THAP9: variants seen among roughly 807,000 people sequenced by gnomAD.
THAP9 encodes the protein THAP domain containing 9.
In THAP9, 20 loss-of-function variants were observed where a neutral mutation model predicts 35.7. The observed-to-expected ratio is 0.56, with a 90% CI of 0.39 to 0.81. The LOEUF is 0.81. Among genes scored for constraint, THAP9 ranks in the 40% least tolerant of loss-of-function variants. THAP9 has a pLI of 0.00. For synonymous variants in THAP9, 335 were observed against 373.7 expected (o/e 0.90, Z 1.19); for missense variants, 870 against 1,047.4 (o/e 0.83, Z 2.34).
At position 82,900,779 on chromosome 4, in the gene THAP9, G is replaced by A; in HGVS notation, c.-24G>A. ...TTCATGCTGTCGCGGGAACCCCGAA[G>A]GTGGGGCCCCACGTAACAAGAAGAT... On this transcript the variant is annotated 5_prime_UTR_variant, in exon 1 of 5. Transcript: ENST00000302236. 6.2e-7 allele frequency: 1 copy of A among 1,613,512 alleles called. No homozygotes were observed. The highest frequency in any genetic ancestry group is 1.1e-5 in the South Asian group (1 of 91,072).
chr4:82,900,766 C>G lies in THAP9; in HGVS notation c.-37C>G, dbSNP rs200678921. 6.2e-7 allele frequency: 1 copy of G among 1,610,504 alleles called. No individual in the cohort carries two copies. The highest frequency in any genetic ancestry group is 2.2e-5 in the East Asian group (1 of 44,856). ...AAAGTGGTCGTGATTCATGCTGTCG[C>G]GGGAACCCCGAAGGTGGGGCCCCAC... is the stretch of plus-strand genomic sequence containing the variant. On this transcript the variant is annotated 5_prime_UTR_variant, in exon 1 of 5. Coordinates refer to ENST00000302236, the MANE Select transcript of THAP9 (RefSeq NM_024672.6).
intron 4 of THAP9, among the ~76,000 whole-genome samples, chr4:82,908,654 A>G (rs1197673287): frequency 2.6e-5 from 4 of 152,218 alleles, no homozygotes; most frequent in Non-Finnish European, 5.9e-5. Context: ...GCACAGCGGC[A>G]CAATCTCGGC....
chr4:82,905,067 T>A (rs1351116653), intron 2 of THAP9, 136 bp downstream of exon 2: 1 of 703,840 alleles, frequency 1.4e-6, no homozygotes, highest in Non-Finnish European at 2.2e-6. Flanking sequence ...TTAAATGCTT[T>A]GAAAATTTAA....
At chr4:82,900,964 C>G in intron 1 of THAP9, 82 bp downstream of exon 1, 1 of 1,524,248 alleles carries the variant, frequency 6.6e-7, no homozygotes, top group Non-Finnish European at 9.0e-7. Flanking sequence ...CGGGGCCGGG[C>G]CGCACTGTGG....
chr4:82,918,188 T>C lies in THAP9; in HGVS notation c.1976T>C (p.Phe659Ser), dbSNP rs1721107810. 6.2e-7 allele frequency: 1 copy of C among 1,614,200 alleles called. No homozygotes were observed. The highest frequency in any genetic ancestry group is 1.3e-5 in the African/African-American group (1 of 75,074). ...GTTTTTCTAAGCAAAGTAAGCATCT[T>C]TGACATTTCAATTGCTCGAAGGAAA... ...DEVFLSKVSI[F>S]DISIARRKDL... The change falls in exon 5 of 5, where the codon TTT (phenylalanine) becomes TCT (serine). Residue 659 changes from phenylalanine (F) to serine (S), a missense_variant. This residue lies in a region of THAP9 where 414 missense variants were observed against 500.8 expected (regional missense o/e 0.83). Transcript: ENST00000302236.
chr4:82,918,516 G>A lies in THAP9; in HGVS notation c.2304G>A (p.Leu768=). Residue 768 remains leucine (L), a synonymous_variant, in exon 5 of 5, where the codon CTG becomes CTA. Transcript: ENST00000302236. ...KNGLHFPSES[L]CRVINICERV... is the part of the protein sequence containing the mutation. ...GTTTGCATTTTCCTTCAGAAAGTCT[G>A]TGTCGGGTCATAAATATTTGTGAGC... 1.9e-6 allele frequency: 3 copies of A among 1,614,170 alleles called. No homozygotes were observed. Among genetic ancestry groups the A allele is most frequent in the Non-Finnish European group, 2.5e-6 (3 of 1,179,992 alleles).
Position 82,906,567 on chromosome 4 carries a change from C to G in THAP9, c.520C>G (p.Leu174Val), listed in dbSNP as rs1029176862. ...KRKGLRLIDALVEEKLLSEET... is the reference protein window; with the variant it reads ...KRKGLRLIDAVVEEKLLSEET... ...AAAGGGTTTACGATTAATTGATGCA[C>G]TTGTAGAAGAGAAACTACTTTCTGA... Residue 174 changes from leucine to valine, a missense_variant, in exon 3 of 5, where the codon CTT (leucine) becomes GTT (valine). Leu to Val is a conservative substitution (Grantham distance 32). This residue lies in a region of THAP9 where 440 missense variants were observed against 501.2 expected (regional missense o/e 0.88). Coordinates refer to ENST00000302236, the MANE Select transcript of THAP9 (RefSeq NM_024672.6). 4.3e-6 allele frequency: 7 copies of G among 1,612,002 alleles called. No homozygotes were observed. The highest frequency in any genetic ancestry group is 5.9e-6 in the Non-Finnish European group (7 of 1,179,192).
At chr4:82,903,196 G>C (rs1225039800) in intron 1 of THAP9, among the ~76,000 whole-genome samples, 1 of 152,190 alleles carries the variant, frequency 6.6e-6, no homozygotes, top group Non-Finnish European at 1.5e-5. Flanking sequence ...GTAGTTTTGT[G>C]CTTTTTATTG....
chr4:82,916,295 ATAAT>A (rs1479620100), intron 4 of THAP9, among the ~76,000 whole-genome samples: 2 of 152,208 alleles, frequency 1.3e-5, no homozygotes, highest in African/African-American at 4.8e-5. Flanking sequence ...TAGGAAGAAA[ATAAT>A]TAGCAGTCTG....
chr4:82,905,092 A>G (rs1053608543), intron 2 of THAP9, among the ~76,000 whole-genome samples, 161 bp downstream of exon 2: 1 of 152,048 alleles, frequency 6.6e-6, no homozygotes, highest in Non-Finnish European at 1.5e-5. Context: ...AAAATTATAT[A>G]TATTAGCATT....
chr4:82,904,574 CAAAG>C (rs1460627613), intron 1 of THAP9, among the ~76,000 whole-genome samples, 158 bp from the exon 2 acceptor site: 4 of 151,870 alleles, frequency 2.6e-5, no homozygotes, highest in African/African-American at 9.7e-5. Flanking sequence ...TAAAAAAAAT[CAAAG>C]AACTTTGAAA....
At chr4:82,902,320 A>G (rs1027116312) in intron 1 of THAP9, among the ~76,000 whole-genome samples, 2 of 150,966 alleles carry the variant, frequency 1.3e-5, no homozygotes, top group Non-Finnish European at 3.0e-5. Context: ...TTGGTCTCCA[A>G]CTTCTTGGCT....
chr4:82,917,302 A>C lies in THAP9; in HGVS notation c.1090A>C (p.Ile364Leu). 6.2e-7 allele frequency: 1 copy of C among 1,614,084 alleles called. No individual in the cohort carries two copies. The highest frequency in any genetic ancestry group is 8.5e-7 in the Non-Finnish European group (1 of 1,179,948). The change falls in exon 5 of 5, where the codon ATA becomes CTA. Residue 364 changes from isoleucine to leucine, a missense_variant. This residue lies in a region of THAP9 where 440 missense variants were observed against 501.2 expected (regional missense o/e 0.88). Transcript: ENST00000302236. ...LRLTIGKLSD[I>L]GITVLAVTSD... ...TCTGACTATTGGTAAACTGAGTGAC[A>C]TAGGAATCACAGTTCTGGCTGTTAC...
intron 1 of THAP9, among the ~76,000 whole-genome samples, chr4:82,903,253 C>T (rs552340417): frequency 6.6e-6 from 1 of 152,204 alleles, no homozygotes; most frequent in Non-Finnish European, 1.5e-5. Flanking sequence ...GAGATGAAAT[C>T]TTGCTGTCGC....
intron 4 of THAP9, among the ~76,000 whole-genome samples, chr4:82,914,762 ATGTC>A (rs1720984415): frequency 6.6e-6 from 1 of 152,014 alleles, no homozygotes; most frequent in Non-Finnish European, 1.5e-5. Flanking sequence ...ATTCTGTAGG[ATGTC>A]TGTTTACTGT....
intron 4 of THAP9, among the ~76,000 whole-genome samples, chr4:82,914,255 G>A (rs986681338): frequency 6.6e-6 from 1 of 152,154 alleles, no homozygotes; most frequent in South Asian, 2.1e-4. Context: ...GGTGTTCCAT[G>A]TCTTGACTAT....
In THAP9 at chr4:82,918,073, C is replaced by T; in HGVS notation, c.1861C>T (p.Gln621Ter). The change falls in exon 5 of 5, where the codon CAG becomes TAG. Residue 621 changes from glutamine to a stop codon, truncating the protein, a stop_gained. Transcript: ENST00000302236. LOFTEE classifies it low-confidence loss of function (END_TRUNC). ...GGAATTATTTCTAAAGATGCTTAGGCAGGTATTAGTAACAAGTTCTAGCCC... is the reference window on the plus strand; with the variant it reads ...GGAATTATTTCTAAAGATGCTTAGGTAGGTATTAGTAACAAGTTCTAGCCC... The part of the protein sequence containing the change: ...HLELFLKMLR[Q>*]VLVTSSSPTC... 2 of 1,614,092 alleles carry T rather than the reference C, an allele frequency of 1.2e-6. No individual in the cohort carries two copies. Among genetic ancestry groups the T allele is most frequent in the Non-Finnish European group, 1.7e-6 (2 of 1,180,002 alleles).
intron 1 of THAP9, chr4:82,903,449 T>C (rs1454377128): frequency 1.3e-5 from 2 of 152,248 alleles, no homozygotes; most frequent in Non-Finnish European, 2.9e-5. Context: ...CTTGAACTCC[T>C]GACCTCAAGT....
chr4:82,907,993 G>A, intron 4 of THAP9, 58 bp downstream of exon 4: 1 of 1,504,516 alleles, frequency 6.6e-7, no homozygotes. Context: ...ACATCTTGTT[G>A]ATTGCATGTT....
Sources: gnomAD v4.1 joint callset for allele counts (sites outside exome capture counted in the v4.1 genomes callset) on GRCh38, gnomAD v4.1.1 for gene constraint, gnomAD v4.1.1 regional missense constraint, MANE v1.5 for transcripts, NCBI Gene and HGNC (gene_info 2026-07-23, HGNC 2026-07-21) for gene names.